Variants in TIAM2 observed in about 807,000 individuals in gnomAD.
TIAM2 encodes the protein rho guanine nucleotide exchange factor TIAM2.
TIAM2 carries 80 observed loss-of-function variants against 152.9 expected under a neutral mutation model. That is an observed-to-expected ratio of 0.52 (90% CI 0.44 to 0.63). The LOEUF is 0.63. Among genes scored for constraint, TIAM2 ranks in the 30% least tolerant of loss-of-function variants. The pLI, the probability that TIAM2 is intolerant of heterozygous loss-of-function variation, is 0.00. For synonymous variants in TIAM2, 804 were observed against 838.0 expected (o/e 0.96, Z 0.70); for missense variants, 1,965 against 2,120.1 (o/e 0.93, Z 1.44).
chr6:155,097,415 C>A (rs1463697863), intron 2 of TIAM2, among the ~76,000 whole-genome samples: 1 of 152,196 alleles, frequency 6.6e-6, no homozygotes, highest in Admixed American at 6.5e-5. Flanking sequence ...AATCACAGCT[C>A]ACTGCAGCCT....
Position 155,164,471 on chromosome 6 carries a change from C to G in TIAM2, c.2085C>G (p.Arg695=), listed in dbSNP as rs766413982. The G allele has an allele frequency of 6.2e-7, 1 of 1,614,102 alleles. No homozygotes were observed. The highest frequency in any genetic ancestry group is 8.5e-7 in the Non-Finnish European group (1 of 1,179,994). ...TTCACATGGATCTGTTCAGGATGCG[C>G]TGCTATCTGGCCAGCCTACAAGGTG... ...EKFHMDLFRM[R]CYLASLQGGE... Residue 695 remains arginine, a synonymous_variant, in exon 8 of 27, where the codon CGC becomes CGG. Transcript: ENST00000682666.
At chr6:155,139,643 A>G (rs1015294202) in intron 5 of TIAM2, among the ~76,000 whole-genome samples, 1 of 152,178 alleles carries the variant, frequency 6.6e-6, no homozygotes, top group Non-Finnish European at 1.5e-5. Context: ...TGTGGCTGCA[A>G]ACTATTATGA....
chr6:155,086,228 A>C (rs531058135), intron 1 of TIAM2, among the ~76,000 whole-genome samples: 1 of 152,334 alleles, frequency 6.6e-6, no homozygotes, highest in Admixed American at 6.5e-5. Context: ...TGCTGGAAAC[A>C]GAGCTGTTGT....
At chr6:155,126,202 C>T (rs1256903134) in intron 2 of TIAM2, among the ~76,000 whole-genome samples, 1 of 152,198 alleles carries the variant, frequency 6.6e-6, no homozygotes, top group African/African-American at 2.4e-5. Flanking sequence ...GGGCATTATA[C>T]TAAGTGAAAT....
rs1355212937 is a variant in TIAM2 at position 155,174,675 on chromosome 6, TAC to T, written c.2362-2139_2362-2138del. On this transcript the variant is annotated intron_variant, in intron 9 of 26. Coordinates refer to ENST00000682666, the MANE Select transcript of TIAM2 (RefSeq NM_012454.4). The surrounding 1 kb of genome is among the most constrained non-coding windows in gnomAD (Gnocchi z 4.2). ...TGAGCCATGGCGCCCGGCCAAGTGA[TAC>T]AGTCTTTCTCTGATTGTCAGTAACG... Among the ~76,000 whole-genome samples the T allele has an allele frequency of 3.9e-5, 6 of 152,230 alleles. No homozygotes were observed. Among genetic ancestry groups the T allele is most frequent in the Admixed American group, 2.6e-4 (4 of 15,286 alleles).
intron 1 of TIAM2, among the ~76,000 whole-genome samples, chr6:154,997,922 G>GCCAC (rs1266669827): frequency 6.6e-6 from 1 of 152,114 alleles, no homozygotes; most frequent in Admixed American, 6.6e-5. Flanking sequence ...GTAGGCATGA[G>GCCAC]CCACCGTGTC....
intron 2 of TIAM2, among the ~76,000 whole-genome samples, chr6:155,123,188 T>TTC (rs1779213163): frequency 6.6e-6 from 1 of 152,008 alleles, no homozygotes; most frequent in South Asian, 2.1e-4. Flanking sequence ...TAAGGCTGTT[T>TTC]TTTTTTTTCT....
At chr6:155,015,517 C>A (rs944902320) in intron 1 of TIAM2, among the ~76,000 whole-genome samples, 1 of 151,972 alleles carries the variant, frequency 6.6e-6, no homozygotes, top group Non-Finnish European at 1.5e-5. Flanking sequence ...CAGGCAAGAG[C>A]CTTGTTTTCT....
At chr6:155,071,962 C>T (rs1026460140) in intron 1 of TIAM2, among the ~76,000 whole-genome samples, 6 of 151,180 alleles carry the variant, frequency 4.0e-5, no homozygotes, top group Admixed American at 3.3e-4. Context: ...TTAGGGAAGA[C>T]GTTTTAGAAT....
chr6:155,048,237 G>A (rs887540733), intron 1 of TIAM2, among the ~76,000 whole-genome samples: 2 of 152,048 alleles, frequency 1.3e-5, no homozygotes, highest in African/African-American at 2.4e-5. Flanking sequence ...ACAGGTGTGA[G>A]CCACTGTTCC....
chr6:155,158,314 T>C (rs561439488), intron 7 of TIAM2, among the ~76,000 whole-genome samples: 1 of 152,322 alleles, frequency 6.6e-6, no homozygotes, highest in Non-Finnish European at 1.5e-5. Flanking sequence ...GACCATAACC[T>C]TTCTGAGTTC....
intron 2 of TIAM2, among the ~76,000 whole-genome samples, chr6:155,099,220 A>ATGTGTGTG (rs34269926): frequency 2.0e-5 from 3 of 148,186 alleles, no homozygotes; most frequent in African/African-American, 7.5e-5. Flanking sequence ...GTATATATAT[A>ATGTGTGTG]TGTGTGTGTG....
At position 155,252,954 on chromosome 6, in the gene TIAM2, A is replaced by T. The variant is rs141419123; in HGVS notation, c.4126A>T (p.Asn1376Tyr). Residue 1376 changes from asparagine to tyrosine, a missense_variant, in exon 24 of 27, where the codon AAT becomes TAT. Coordinates refer to ENST00000682666, the MANE Select transcript of TIAM2 (RefSeq NM_012454.4). Reference sequence around the variant, plus strand: ...GTGGGCCTTCATGTTACAGCCCTCGAATTCCCGGCCTGCACACAACTCTAC... The same window carrying T: ...GTGGGCCTTCATGTTACAGCCCTCGTATTCCCGGCCTGCACACAACTCTAC... The part of the protein sequence containing the change: ...NCKLKKKLPS[N>Y]SRPAHNSTDL... 3.7e-6 allele frequency: 6 copies of T among 1,613,952 alleles called. No individual in the cohort carries two copies. The highest frequency in any genetic ancestry group is 5.1e-6 in the Non-Finnish European group (6 of 1,180,018).
intron 2 of TIAM2, among the ~76,000 whole-genome samples, chr6:155,123,602 C>T (rs1779223594): frequency 1.3e-5 from 2 of 152,266 alleles, no homozygotes; most frequent in East Asian, 1.9e-4. Flanking sequence ...TCTAACCTGC[C>T]GCTGGGGCAG....
chr6:155,212,221 T>C (rs778422269), intron 15 of TIAM2, among the ~76,000 whole-genome samples: 9 of 152,224 alleles, frequency 5.9e-5, no homozygotes, highest in Non-Finnish European at 1.2e-4. Flanking sequence ...AGGAGTGGAA[T>C]TGCCAGGTCA....
At chr6:155,055,159 A>G (rs771629116) in intron 1 of TIAM2, among the ~76,000 whole-genome samples, 1 of 152,182 alleles carries the variant, frequency 6.6e-6, no homozygotes, top group African/African-American at 2.4e-5. Flanking sequence ...AACGTAATTC[A>G]TTAAAGCAAG....
chr6:155,037,366 A>G (rs953385914), intron 1 of TIAM2, among the ~76,000 whole-genome samples: 2 of 151,854 alleles, frequency 1.3e-5, no homozygotes, highest in African/African-American at 4.8e-5. Flanking sequence ...ATAGCTCTGC[A>G]GTTTTCTGTT....
At chr6:155,064,496 A>G (rs1172856106) in intron 1 of TIAM2, among the ~76,000 whole-genome samples, 3 of 152,138 alleles carry the variant, frequency 2.0e-5, no homozygotes, top group South Asian at 2.1e-4. Flanking sequence ...GCCTTCCCAG[A>G]ACTTTTTGGT....
At chr6:155,033,215 C>T (rs1043919893) in intron 1 of TIAM2, among the ~76,000 whole-genome samples, 7 of 151,970 alleles carry the variant, frequency 4.6e-5, no homozygotes, top group Non-Finnish European at 7.4e-5. Context: ...CCTGCCTGCG[C>T]GCTACTTAAA....
Sources: gnomAD v4.1 joint callset for allele counts (sites outside exome capture counted in the v4.1 genomes callset) on GRCh38, gnomAD v4.1.1 for gene constraint, Gnocchi (gnomAD v3.1) non-coding constraint, MANE v1.5 for transcripts, NCBI Gene and HGNC (gene_info 2026-07-23, HGNC 2026-07-21) for gene names.